EPHB2: variants seen among roughly 807,000 people sequenced by gnomAD.
EPHB2 encodes the protein EPH receptor B2.
In EPHB2, 18 loss-of-function variants were observed where a neutral mutation model predicts 96.4. That is an observed-to-expected ratio of 0.19 (90% CI 0.13 to 0.28). EPHB2 has a LOEUF of 0.28. EPHB2 is among the 10% of genes least tolerant of loss of function. EPHB2 has a pLI of 1.00. For synonymous variants in EPHB2, 506 were observed against 534.1 expected (o/e 0.95, Z 0.72); for missense variants, 989 against 1,355.4 (o/e 0.73, Z 4.25).
At chr1:22,772,291 G>A (rs986636128) in intron 1 of EPHB2, among the ~76,000 whole-genome samples, 2 of 152,184 alleles carry the variant, frequency 1.3e-5, no homozygotes, top group Admixed American at 6.5e-5. Context: ...GGACAGAGCA[G>A]AGGAGCTGGC....
In EPHB2 at chr1:22,899,276, C is replaced by G. The variant is rs944757574; in HGVS notation, c.1765+2798C>G. ...TAGAACTTTGGGAGGCCAAGATGAG[C>G]GGATCACCTGAGGTCGGGAGTTCAA... On this transcript the variant is annotated intron_variant, in intron 9 of 15. Coordinates refer to ENST00000374630, the MANE Select transcript of EPHB2 (RefSeq NM_017449.5). Among the ~76,000 whole-genome samples the G allele has an allele frequency of 4.7e-5, 7 of 149,536 alleles. No homozygotes were observed. In the South Asian group the frequency reaches 1.5e-3, roughly 32 times the overall value.
Position 22,859,297 on chromosome 1 carries a change from T to TGG in EPHB2, c.812-3730_812-3729dup, listed in dbSNP as rs532868298. 4.9e-4 allele frequency among the ~76,000 whole-genome samples: 24 copies of TGG among 48,554 alleles called. 1 individual carries two copies. Among genetic ancestry groups the TGG allele is most frequent in the African/African-American group, 9.7e-4 (11 of 11,304 alleles). 31.9% of individuals were successfully genotyped at this position (48,554 alleles called of 152,430 possible). A position where few individuals can be genotyped will look rare whatever the true frequency, so the allele number is the denominator to read the frequency against. ...AGCCAGGGGTGTGGGGTGGGCCTGG[T>TGG]GGGGGGGGGGGTATTGTACCTAGGT... On this transcript the variant is annotated intron_variant, in intron 3 of 15. Coordinates refer to ENST00000374630, the MANE Select transcript of EPHB2 (RefSeq NM_017449.5).
At chr1:22,766,973 C>T (rs533214343) in intron 1 of EPHB2, among the ~76,000 whole-genome samples, 12 of 152,292 alleles carry the variant, frequency 7.9e-5, no homozygotes, top group East Asian at 3.9e-4. Flanking sequence ...TGTGAACCAG[C>T]GGAGTGGCAC....
intron 3 of EPHB2, among the ~76,000 whole-genome samples, chr1:22,797,469 C>T (rs1420435248): frequency 6.6e-6 from 1 of 152,130 alleles, no homozygotes; most frequent in African/African-American, 2.4e-5. Flanking sequence ...CTGTTCATCT[C>T]CCGACCTCTC....
Position 22,864,980 on chromosome 1 carries a change from C to G in EPHB2, c.1071C>G (p.Val357=), listed in dbSNP as rs764855293. 1.2e-6 allele frequency: 2 copies of G among 1,609,354 alleles called. No homozygotes were observed. The highest frequency in any genetic ancestry group is 2.2e-5 in the East Asian group (1 of 44,748). The change falls in exon 5 of 16, where the codon GTC becomes GTG. Residue 357 remains valine (V), a synonymous_variant. Coordinates refer to ENST00000374630, the MANE Select transcript of EPHB2 (RefSeq NM_017449.5). ...ACTCCGGAGGCCGAGAGGACCTCGT[C>G]TACAACATCATCTGCAAGAGCTGTG... ...PRDSGGREDL[V]YNIICKSCGS... is the part of the protein sequence containing the mutation.
At chr1:22,891,792 TTTG>T (rs371281206) in intron 6 of EPHB2, among the ~76,000 whole-genome samples, 18 of 117,562 alleles carry the variant, frequency 1.5e-4, no homozygotes, top group African/African-American at 4.2e-4. Flanking sequence ...TTCTTTTTTT[TTTG>T]TTGTTGTTGT....
chr1:22,836,306 C>G (rs969182569), intron 3 of EPHB2, among the ~76,000 whole-genome samples: 1 of 152,220 alleles, frequency 6.6e-6, no homozygotes, highest in African/African-American at 2.4e-5. Flanking sequence ...ACCAGGCTCT[C>G]GGAGGCACAA....
intron 12 of EPHB2, 140 bp downstream of exon 12, chr1:22,908,308 C>T: frequency 9.7e-7 from 1 of 1,031,226 alleles, no homozygotes; most frequent in Non-Finnish European, 1.5e-6. Context: ...AAGACAGGAA[C>T]CACAGCTCCT....
intron 4 of EPHB2, 103 bp from the exon 5 acceptor site, chr1:22,864,774 G>C (rs1638408061): frequency 1.4e-6 from 1 of 709,350 alleles, no homozygotes; most frequent in East Asian, 2.7e-5. Flanking sequence ...ATTTAAGGAA[G>C]TCCTTTCAGA....
At chr1:22,831,027 G>T (rs1483437258) in intron 3 of EPHB2, among the ~76,000 whole-genome samples, 3 of 152,208 alleles carry the variant, frequency 2.0e-5, no homozygotes, top group Admixed American at 2.0e-4. Flanking sequence ...AGGAAGAGGG[G>T]TAATGCTCCA....
chr1:22,848,107 C>T (rs947194167), intron 3 of EPHB2, among the ~76,000 whole-genome samples: 28 of 152,290 alleles, frequency 1.8e-4, no homozygotes, highest in South Asian at 4.2e-4. Flanking sequence ...AGTCTATCCT[C>T]AAATCAAGGG....
rs1472088528 is a variant in EPHB2 at position 22,906,424 on chromosome 1, C to A, written c.1889-286C>A. 6.6e-6 allele frequency among the ~76,000 whole-genome samples: 1 copy of A among 152,138 alleles called. No individual in the cohort carries two copies. Among genetic ancestry groups the A allele is most frequent in the Non-Finnish European group, 1.5e-5 (1 of 68,028 alleles). On this transcript the variant is annotated intron_variant, in intron 10 of 15. Transcript: ENST00000374630. This position sits in a 1 kb window ranked among gnomAD's most constrained non-coding sequence, Gnocchi z 4.8. ...GCTTTTCCTTCCTCCCCCCATGTATCCCAGTGCCTTTTCCCATCTCCCAGG... is the reference window on the plus strand; with the variant it reads ...GCTTTTCCTTCCTCCCCCCATGTATACCAGTGCCTTTTCCCATCTCCCAGG...
At chr1:22,729,354 A>G (rs1008165897) in intron 1 of EPHB2, among the ~76,000 whole-genome samples, 1 of 152,224 alleles carries the variant, frequency 6.6e-6, no homozygotes, top group African/African-American at 2.4e-5. Context: ...GGAGACAGAA[A>G]CACACAGACC....
chr1:22,740,360 C>G (rs1643887514), intron 1 of EPHB2, among the ~76,000 whole-genome samples: 1 of 152,272 alleles, frequency 6.6e-6, no homozygotes, highest in Non-Finnish European at 1.5e-5. Context: ...ACTGTCCTAC[C>G]CAATCAGGGT....
intron 3 of EPHB2, among the ~76,000 whole-genome samples, chr1:22,787,185 A>G (rs1644624562): frequency 6.6e-6 from 1 of 152,196 alleles, no homozygotes; most frequent in African/African-American, 2.4e-5. Context: ...ACTTGTTTTA[A>G]TAGGAACTGC....
intron 3 of EPHB2, among the ~76,000 whole-genome samples, chr1:22,797,331 C>T (rs1436713856): frequency 1.3e-5 from 2 of 152,162 alleles, no homozygotes; most frequent in Non-Finnish European, 2.9e-5. Context: ...ACGTAATGTC[C>T]CAGACCTCAT....
intron 1 of EPHB2, among the ~76,000 whole-genome samples, chr1:22,723,865 A>G (rs537385177): frequency 1.3e-5 from 2 of 152,346 alleles, no homozygotes; most frequent in African/African-American, 4.8e-5. Flanking sequence ...AAAGGCAATA[A>G]TAATAGTAGT....
chr1:22,794,760 C>G (rs951634007), intron 3 of EPHB2, among the ~76,000 whole-genome samples: 1 of 152,190 alleles, frequency 6.6e-6, no homozygotes, highest in African/African-American at 2.4e-5. Flanking sequence ...GAGCCCTGCA[C>G]TGTCCTCTCT....
rs1372251177 is a variant in EPHB2, at chr1:22,858,326, A to G, written c.812-4711A>G. On this transcript the variant is annotated intron_variant, in intron 3 of 15. Coordinates refer to ENST00000374630, the MANE Select transcript of EPHB2 (RefSeq NM_017449.5). The surrounding 1 kb of genome is among the most constrained non-coding windows in gnomAD (Gnocchi z 7.7). Reference sequence around the variant, plus strand: ...TCTATTCTAAGTGCAGTGGGGATAAATGGTGCACGAGGGAGTTTAGACAAG... The same window carrying G: ...TCTATTCTAAGTGCAGTGGGGATAAGTGGTGCACGAGGGAGTTTAGACAAG... Among the ~76,000 whole-genome samples, 1 of 152,158 alleles carries G rather than the reference A, an allele frequency of 6.6e-6. No individual in the cohort carries two copies. The highest frequency in any genetic ancestry group is 1.5e-5 in the Non-Finnish European group (1 of 68,028).
Sources: allele counts gnomAD v4.1 joint callset (sites outside exome capture counted in the v4.1 genomes callset), GRCh38; gene constraint gnomAD v4.1.1; non-coding constraint Gnocchi (gnomAD v3.1); transcripts MANE v1.5; gene names NCBI Gene and HGNC (gene_info 2026-07-23, HGNC 2026-07-21).